The following LRRC2 variants were observed in gnomAD, a reference collection of about 807,000 sequenced individuals.
LRRC2 encodes leucine-rich repeat-containing protein 2.
A neutral mutation model predicts 40.2 loss-of-function variants in LRRC2; 27 were observed. The observed-to-expected ratio is 0.67, with a 90% CI of 0.49 to 0.93. The LOEUF is 0.93. Ranked by LOEUF, LRRC2 falls within the 40% of genes least tolerant of loss-of-function variation. The pLI, the probability that LRRC2 is intolerant of heterozygous loss-of-function variation, is 0.00. For missense variants in LRRC2, 402 were observed against 439.6 expected, an observed-to-expected ratio of 0.91 and a Z score of 0.76; for synonymous variants, 147 against 158.9, an observed-to-expected ratio of 0.92 and a Z score of 0.56.
At chr3:46,531,794 G>C (rs1704165140) in intron 5 of LRRC2, among the ~76,000 whole-genome samples, 1 of 152,094 alleles carries the variant, frequency 6.6e-6, no homozygotes, top group East Asian at 1.9e-4. Flanking sequence ...CAGCATTCAG[G>C]AAAGGAAAAT....
intron 3 of LRRC2, among the ~76,000 whole-genome samples, chr3:46,541,300 T>C (rs1459122830): frequency 2.2e-5 from 3 of 135,482 alleles, no homozygotes; most frequent in African/African-American, 8.5e-5. Context: ...GCCACTGCAC[T>C]CCAGCCTGGG....
At chr3:46,548,061 T>C (rs1704568005) in intron 2 of LRRC2, among the ~76,000 whole-genome samples, 1 of 152,338 alleles carries the variant, frequency 6.6e-6, no homozygotes, top group East Asian at 1.9e-4. Context: ...TTCAGATTAA[T>C]GTCTCTAACT....
chr3:46,561,034 T>C (rs566270244), intron 1 of LRRC2, among the ~76,000 whole-genome samples: 10 of 152,268 alleles, frequency 6.6e-5, no homozygotes, highest in Middle Eastern at 3.4e-3. Flanking sequence ...TGGTAAATAA[T>C]AGAGGTTTCC....
intron 1 of LRRC2, chr3:46,558,802 T>G (rs1704871988): frequency 6.6e-6 from 1 of 152,200 alleles, no homozygotes. Flanking sequence ...GACGGTTTGC[T>G]CCACTCTTTT....
chr3:46,528,122 G>A (rs573941071), intron 6 of LRRC2, among the ~76,000 whole-genome samples: 58 of 152,228 alleles, frequency 3.8e-4, no homozygotes, highest in African/African-American at 1.2e-3. Flanking sequence ...CTATAGCAGC[G>A]GGATAAGCAT....
intron 7 of LRRC2, among the ~76,000 whole-genome samples, 197 bp from the exon 8 acceptor site, chr3:46,521,855 A>G (rs1703969359): frequency 6.6e-6 from 1 of 152,210 alleles, no homozygotes; most frequent in Admixed American, 6.5e-5. Context: ...GTTTTAAAGT[A>G]TAGACTTTTC....
intron 1 of LRRC2, among the ~76,000 whole-genome samples, chr3:46,560,275 T>C (rs781515768): frequency 5.9e-5 from 9 of 152,184 alleles, no homozygotes; most frequent in Non-Finnish European, 1.2e-4. Flanking sequence ...GGGGAGCCCA[T>C]AGGACACAGT....
rs756600233 is a variant in LRRC2 at position 46,539,064 on chromosome 3, T to C, written c.471A>G (p.Ser157=). The C allele has an allele frequency of 9.9e-6, 16 of 1,613,358 alleles. No individual in the cohort carries two copies. The East Asian group carries it at 3.6e-4, about 36-fold the overall frequency. Residue 157 remains serine (S), a synonymous_variant, in exon 4 of 9, where the codon TCA becomes TCG. Transcript: ENST00000395905. ...ACATACCGATTTCTGCTGGAAGATGTGAGATTTGGTTTTTTGGCAGATCCA... is the reference window on the plus strand; with the variant it reads ...ACATACCGATTTCTGCTGGAAGATGCGAGATTTGGTTTTTTGGCAGATCCA... ...RILDLPKNQI[S]HLPAEIGCLK...
chr3:46,564,434 CG>C (rs1030677535), intron 1 of LRRC2, among the ~76,000 whole-genome samples: 4 of 151,870 alleles, frequency 2.6e-5, no homozygotes, highest in Admixed American at 2.0e-4. Context: ...GGGGGTTTTC[CG>C]GTCACCTAGT....
intron 1 of LRRC2, among the ~76,000 whole-genome samples, chr3:46,560,691 G>T (rs1704918361): frequency 1.3e-5 from 2 of 152,146 alleles, no homozygotes; most frequent in Non-Finnish European, 1.5e-5. Context: ...CCCTGCTGTG[G>T]GTCTGGTTTT....
At chr3:46,565,962 C>G (rs979505993) in intron 1 of LRRC2, among the ~76,000 whole-genome samples, 1 of 152,248 alleles carries the variant, frequency 6.6e-6, no homozygotes, top group African/African-American at 2.4e-5. Context: ...CACCATAGTC[C>G]TGGACCTCAG....
At chr3:46,551,208 G>A (rs1279387050) in intron 2 of LRRC2, 2 of 273,552 alleles carry the variant, frequency 7.3e-6, no homozygotes, top group Non-Finnish European at 6.8e-6. Flanking sequence ...TACTGTGGGG[G>A]GATTTATCGT....
At chr3:46,551,683 G>A in intron 1 of LRRC2, 73 bp from the exon 2 acceptor site, 3 of 1,048,028 alleles carry the variant, frequency 2.9e-6, no homozygotes, top group South Asian at 3.9e-5. Flanking sequence ...ACTTTAAAAT[G>A]AAATATGAAT....
intron 1 of LRRC2, among the ~76,000 whole-genome samples, chr3:46,565,374 G>C (rs1335120167): frequency 6.6e-6 from 1 of 152,158 alleles, no homozygotes; most frequent in Non-Finnish European, 1.5e-5. Context: ...TAGGATCATT[G>C]TGTCAAGAGC....
Position 46,529,912 on chromosome 3 carries a change from T to C in LRRC2, c.766A>G (p.Ile256Val), listed in dbSNP as rs139370733. ...SNNLTDLPQD[I>V]DRLEELQSFL... The stretch of plus-strand genomic sequence containing the variant: ...TAGAATGCAAGTAGCTACCTGTCTA[T>C]ATCTTGCGGCAGGTCGGTCAGGTTA... Residue 256 changes from isoleucine (I) to valine (V), a missense_variant, in exon 6 of 9, where the codon ATA (isoleucine) becomes GTA (valine). Coordinates refer to ENST00000395905, the MANE Select transcript of LRRC2 (RefSeq NM_024512.5). 2.2e-5 allele frequency: 36 copies of C among 1,614,016 alleles called. No individual in the cohort carries two copies. The highest frequency in any genetic ancestry group is 8.3e-5 in the Admixed American group (5 of 59,974).
chr3:46,553,502 C>T (rs752695265), intron 1 of LRRC2, among the ~76,000 whole-genome samples: 26 of 152,082 alleles, frequency 1.7e-4, no homozygotes, highest in Non-Finnish European at 3.2e-4. Flanking sequence ...GGCTGGAGGG[C>T]AGTGATCCAG....
Position 46,519,060 on chromosome 3 carries a change from G to C in LRRC2, c.1070C>G (p.Ser357Cys), listed in dbSNP as rs2106969973. 1 of 1,607,776 alleles carries C rather than the reference G, an allele frequency of 6.2e-7. No homozygotes were observed. The highest frequency in any genetic ancestry group is 1.1e-5 in the South Asian group (1 of 90,946). The change falls in exon 9 of 9, where the codon TCT becomes TGT. Residue 357 changes from serine to cysteine, a missense_variant. Transcript: ENST00000395905. ...AYIEDLKERE[S>C]VPSYTTKVSF... is the part of the protein sequence containing the mutation. ...CACTTTGGTGGTATAGCTGGGAACA[G>C]ATTCTGTAACAGAAAGAAAAAAGTA...
rs1156617734 is a variant in LRRC2, at chr3:46,517,512, A to C, written c.*1502T>G. 1 of 151,906 alleles carries C rather than the reference A, an allele frequency of 6.6e-6. No individual in the cohort carries two copies. The highest frequency in any genetic ancestry group is 2.4e-5 in the African/African-American group (1 of 41,354). 9.4% of individuals were successfully genotyped at this position (151,906 alleles called of 1,614,324 possible). On this transcript the variant is annotated 3_prime_UTR_variant, in exon 9 of 9. Transcript: ENST00000395905. ...GCTAATTTTTTGAATTTTTTTGTGGAGATGGGGTTTCGTCATGATGTCCAA... is the reference window on the plus strand; with the variant it reads ...GCTAATTTTTTGAATTTTTTTGTGGCGATGGGGTTTCGTCATGATGTCCAA...
intron 1 of LRRC2, chr3:46,557,827 A>G (rs1353853276): frequency 6.6e-6 from 1 of 152,246 alleles, no homozygotes; most frequent in Admixed American, 6.5e-5. Flanking sequence ...CCAATCAGCA[A>G]CTGGTGGCAT....
Sources: allele counts gnomAD v4.1 joint callset (sites outside exome capture counted in the v4.1 genomes callset), GRCh38; gene constraint gnomAD v4.1.1; transcripts MANE v1.5; gene names NCBI Gene and HGNC (gene_info 2026-07-23, HGNC 2026-07-21).